The following SNCAIP variants were observed in gnomAD, a reference collection of about 807,000 sequenced individuals.
SNCAIP encodes synuclein alpha interacting protein, also known as synphilin-1.
A neutral mutation model predicts 86.7 loss-of-function variants in SNCAIP; 43 were observed. That is an observed-to-expected ratio of 0.50 (90% CI 0.39 to 0.64). SNCAIP has a LOEUF of 0.64. SNCAIP is among the 30% of genes least tolerant of loss of function. SNCAIP has a pLI of 0.00. For missense variants in SNCAIP, 981 were observed against 1,103.1 expected, an observed-to-expected ratio of 0.89 and a Z score of 1.57; for synonymous variants, 417 against 427.2, an observed-to-expected ratio of 0.98 and a Z score of 0.29.
chr5:122,346,126 G>A (rs1758578757), intron 1 of SNCAIP, among the ~76,000 whole-genome samples: 1 of 152,098 alleles, frequency 6.6e-6, no homozygotes, highest in Non-Finnish European at 1.5e-5. Flanking sequence ...ACATATAATA[G>A]GTGATATGGA....
chr5:122,456,682 C>G (rs1342124782), intron 10 of SNCAIP, among the ~76,000 whole-genome samples: 2 of 152,180 alleles, frequency 1.3e-5, no homozygotes, highest in East Asian at 3.8e-4. Flanking sequence ...CATCATTTCT[C>G]TATATATTAT....
intron 1 of SNCAIP, among the ~76,000 whole-genome samples, chr5:122,327,147 A>G (rs1173011726): frequency 6.6e-6 from 1 of 152,078 alleles, no homozygotes; most frequent in Non-Finnish European, 1.5e-5. Context: ...TATTGAGAGG[A>G]ACTAGTGTAT....
At chr5:122,366,423 T>C (rs1178378434) in intron 1 of SNCAIP, among the ~76,000 whole-genome samples, 7 of 152,338 alleles carry the variant, frequency 4.6e-5, no homozygotes, top group Non-Finnish European at 1.0e-4. Flanking sequence ...TGATTGAGTC[T>C]GCCATTGGCC....
intron 1 of SNCAIP, among the ~76,000 whole-genome samples, chr5:122,338,066 C>G (rs1273173454): frequency 1.3e-5 from 2 of 152,172 alleles, no homozygotes. Flanking sequence ...AAATGACAAT[C>G]TCAACCGGAA....
chr5:122,387,283 C>T (rs149126095), intron 1 of SNCAIP, among the ~76,000 whole-genome samples: 168 of 152,120 alleles, frequency 1.1e-3, no homozygotes, highest in African/African-American at 3.6e-3. Context: ...CTCAGCCTCC[C>T]GAATAGCTGG....
At chr5:122,383,267 A>G (rs1767344129) in intron 1 of SNCAIP, among the ~76,000 whole-genome samples, 1 of 152,172 alleles carries the variant, frequency 6.6e-6, no homozygotes, top group African/African-American at 2.4e-5. Flanking sequence ...AAGCTGGTCC[A>G]AAAAGCTCAA....
chr5:122,408,420 G>T (rs1174779799), intron 3 of SNCAIP, among the ~76,000 whole-genome samples: 3 of 152,066 alleles, frequency 2.0e-5, no homozygotes, highest in African/African-American at 7.2e-5. Context: ...TTTAGTGGTG[G>T]GCTCCAAGAA....
At chr5:122,430,560 A>G (rs1040176583) in intron 5 of SNCAIP, among the ~76,000 whole-genome samples, 7 of 152,174 alleles carry the variant, frequency 4.6e-5, no homozygotes, top group African/African-American at 1.7e-4. Flanking sequence ...ATTAAGATTT[A>G]AAACCATATC....
upstream of SNCAIP, chr5:122,312,111 G>A (rs1028741547): frequency 6.8e-6 from 1 of 148,108 alleles, no homozygotes; most frequent in South Asian, 2.1e-4. Flanking sequence ...CCCGTTGGGG[G>A]GCCCGGGGAG....
At chr5:122,355,436 A>C (rs1003949095) in intron 1 of SNCAIP, among the ~76,000 whole-genome samples, 1 of 152,118 alleles carries the variant, frequency 6.6e-6, no homozygotes, top group Non-Finnish European at 1.5e-5. Context: ...CCATCTTATA[A>C]GGTAATTAGG....
At chr5:122,399,902 G>A (rs1006498265) in intron 2 of SNCAIP, among the ~76,000 whole-genome samples, 1 of 152,052 alleles carries the variant, frequency 6.6e-6, no homozygotes, top group African/African-American at 2.4e-5. Context: ...GATTCAGTAG[G>A]TCTGGGATGA....
chr5:122,335,832 G>A (rs1756333883), intron 1 of SNCAIP, among the ~76,000 whole-genome samples: 1 of 152,272 alleles, frequency 6.6e-6, no homozygotes, highest in South Asian at 2.1e-4. Flanking sequence ...CCCCAGGAAG[G>A]TGGCTCTTTC....
intron 6 of SNCAIP, chr5:122,436,425 G>A (rs1779487521): frequency 6.6e-6 from 1 of 151,894 alleles, no homozygotes; most frequent in Non-Finnish European, 1.5e-5. Flanking sequence ...ATATTATTCA[G>A]TTTACTTATT....
In SNCAIP at chr5:122,450,871, T is replaced by C; in HGVS notation, c.2024T>C (p.Leu675Pro). The part of the protein sequence containing the change: ...ARLRQLMQRS[L>P]SESDTDSNNS... ...CTGAGACAGCTGATGCAGAGGTCAC[T>C]GAGTGAGTCTGACACAGACTCCAAC... The change falls in exon 10 of 11, where the codon CTG (leucine) becomes CCG (proline). Residue 675 changes from leucine to proline, a missense_variant. Transcript: ENST00000261368. 1 of 1,614,082 alleles carries C rather than the reference T, an allele frequency of 6.2e-7. No homozygotes were observed. The highest frequency in any genetic ancestry group is 8.5e-7 in the Non-Finnish European group (1 of 1,179,988).
chr5:122,332,526 T>C (rs973332144), intron 1 of SNCAIP, among the ~76,000 whole-genome samples: 1 of 152,216 alleles, frequency 6.6e-6, no homozygotes, highest in Non-Finnish European at 1.5e-5. Context: ...GAGCAAAATA[T>C]AATTTCCCTT....
intron 7 of SNCAIP, chr5:122,441,074 A>G (rs771671376): frequency 1.1e-5 from 3 of 279,584 alleles, no homozygotes; most frequent in Non-Finnish European, 2.1e-5. Context: ...CAGAGAAACC[A>G]CTACCAGGCA....
At chr5:122,343,313 C>T (rs376901145) in intron 1 of SNCAIP, among the ~76,000 whole-genome samples, 6 of 152,262 alleles carry the variant, frequency 3.9e-5, no homozygotes, top group African/African-American at 4.8e-5. Flanking sequence ...TCCTAATAGT[C>T]GTTACTGCCT....
intron 1 of SNCAIP, among the ~76,000 whole-genome samples, chr5:122,390,821 C>T (rs1271253644): frequency 2.0e-5 from 3 of 152,112 alleles, no homozygotes; most frequent in Non-Finnish European, 2.9e-5. Flanking sequence ...ACCCAAGTTA[C>T]TGCTCTGGCA....
chr5:122,435,716 T>C (rs1456752488), intron 6 of SNCAIP, among the ~76,000 whole-genome samples: 3 of 152,142 alleles, frequency 2.0e-5, no homozygotes, highest in Non-Finnish European at 1.5e-5. Flanking sequence ...TTGCAAATGG[T>C]CATGAGCAGT....
Sources: allele counts gnomAD v4.1 joint callset (sites outside exome capture counted in the v4.1 genomes callset), GRCh38; gene constraint gnomAD v4.1.1; transcripts MANE v1.5; gene names NCBI Gene and HGNC (gene_info 2026-07-23, HGNC 2026-07-21).